NDUFS6: variants seen among roughly 807,000 people sequenced by gnomAD.
NDUFS6 encodes the protein NADH dehydrogenase [ubiquinone] iron-sulfur protein 6, mitochondrial.
Under a neutral mutation model 13.2 loss-of-function variants are expected in NDUFS6, and 14 were observed. The ratio of observed to expected loss-of-function variants is 1.06; its 90% CI spans 0.70 to 1.66. NDUFS6 has a LOEUF of 1.66. NDUFS6 is among the 40% of genes most tolerant of loss of function. The pLI is 0.00. For synonymous variants in NDUFS6, 95 were observed against 72.3 expected (o/e 1.31, Z -1.60); for missense variants, 206 against 170.8 (o/e 1.21, Z -1.15).
intron 2 of NDUFS6, among the ~76,000 whole-genome samples, chr5:1,805,528 C>T (rs548416439): frequency 2.6e-5 from 4 of 152,298 alleles, no homozygotes; most frequent in African/African-American, 9.6e-5. Flanking sequence ...TGTGAGGAGA[C>T]TCCTCACGTG....
At chr5:1,807,723 G>A (rs1454068995) in intron 2 of NDUFS6, among the ~76,000 whole-genome samples, 1 of 152,232 alleles carries the variant, frequency 6.6e-6, no homozygotes, top group Non-Finnish European at 1.5e-5. Context: ...GACATCTTTC[G>A]TCTACATTGA....
chr5:1,804,335 T>TG (rs1179306710), intron 2 of NDUFS6, among the ~76,000 whole-genome samples: 1 of 152,256 alleles, frequency 6.6e-6, no homozygotes, highest in African/African-American at 2.4e-5. Context: ...TTCTGGTTTC[T>TG]GGTTGGTGTA....
chr5:1,814,959 A>G lies in NDUFS6; in HGVS notation c.309+498A>G. 6.6e-6 allele frequency among the ~76,000 whole-genome samples: 1 copy of G among 151,868 alleles called. No homozygotes were observed. Among genetic ancestry groups the G allele is most frequent in the East Asian group, 1.9e-4 (1 of 5,172 alleles). ...GAGACTCCTCATCCCCTCTTCTTAT[A>G]AGGGCACCAGGCAGATTGGCTCAGG... On this transcript the variant is annotated intron_variant, in intron 3 of 3. Transcript: ENST00000274137. This position sits in a 1 kb window ranked among gnomAD's most constrained non-coding sequence, Gnocchi z 4.9.
At chr5:1,804,062 G>C (rs1289496938) in intron 2 of NDUFS6, among the ~76,000 whole-genome samples, 1 of 152,204 alleles carries the variant, frequency 6.6e-6, no homozygotes, top group African/African-American at 2.4e-5. Flanking sequence ...GGTGACGGAG[G>C]TTTCCTGGGC....
rs1455996791 is a variant in NDUFS6, at chr5:1,814,583, G to T, written c.309+122G>T. 1.4e-6 allele frequency: 2 copies of T among 1,438,164 alleles called. No homozygotes were observed. Among genetic ancestry groups the T allele is most frequent in the Non-Finnish European group, 1.9e-6 (2 of 1,047,060 alleles). 89.1% of individuals were successfully genotyped at this position (1,438,164 alleles called of 1,614,324 possible). The stretch of plus-strand genomic sequence containing the variant: ...CCTGCTCCCGAGGCGGCCCTTACGG[G>T]GTTCACACTGCTGGCACATTCACCC... On this transcript the variant is annotated intron_variant, in intron 3 of 3. Coordinates refer to ENST00000274137, the MANE Select transcript of NDUFS6 (RefSeq NM_004553.6). The surrounding 1 kb of genome is among the most constrained non-coding windows in gnomAD (Gnocchi z 4.9).
chr5:1,812,320 G>T (rs1292046224), intron 2 of NDUFS6, among the ~76,000 whole-genome samples: 1 of 151,924 alleles, frequency 6.6e-6, no homozygotes, highest in Non-Finnish European at 1.5e-5. Context: ...CAACACTGTT[G>T]CATTGACTAT....
At position 1,814,639 on chromosome 5, in the gene NDUFS6, G is replaced by T. The variant is rs552891552; in HGVS notation, c.309+178G>T. The T allele has an allele frequency of 6.2e-4, 613 of 980,884 alleles. 1 individual carries two copies. The highest frequency in any genetic ancestry group is 8.0e-4 in the Non-Finnish European group (514 of 638,978). The allele number at this position is 980,884 out of a possible 1,614,324, so 60.8% of individuals were successfully genotyped here. A position where few individuals can be genotyped will look rare whatever the true frequency, so the allele number is the denominator to read the frequency against. On this transcript the variant is annotated intron_variant, in intron 3 of 3. Transcript: ENST00000274137. The surrounding 1 kb of genome is among the most constrained non-coding windows in gnomAD (Gnocchi z 4.9). ...CGCCACACTACAGGGCCTACATAGAGCCGCCTGTCCGAAAACCCCCTTTCA... is the reference window on the plus strand; with the variant it reads ...CGCCACACTACAGGGCCTACATAGATCCGCCTGTCCGAAAACCCCCTTTCA...
At chr5:1,807,853 C>T (rs940860469) in intron 2 of NDUFS6, among the ~76,000 whole-genome samples, 4 of 152,166 alleles carry the variant, frequency 2.6e-5, no homozygotes, top group Admixed American at 2.6e-4. Flanking sequence ...GCTGAGGTAC[C>T]CAGGGGTCAG....
chr5:1,801,727 G>C (rs996975222), intron 1 of NDUFS6, among the ~76,000 whole-genome samples, 178 bp downstream of exon 1: 1 of 152,254 alleles, frequency 6.6e-6, no homozygotes, highest in Non-Finnish European at 1.5e-5. Flanking sequence ...GGTGGTGGCA[G>C]CCTGTAGCGG....
rs1172051074 is a variant in NDUFS6 at position 1,814,469 on chromosome 5, G to T, written c.309+8G>T. 3.1e-6 allele frequency: 5 copies of T among 1,614,084 alleles called. No individual in the cohort carries two copies. The African/African-American group carries it at 5.3e-5, about 17-fold the overall frequency. ...AAAGTGTATATAAACTTGGTGCGTA[G>T]CTGGCCACCTGTGCACATGTTAGGG... On this transcript the variant is annotated splice_region_variant and intron_variant, in intron 3 of 3. Coordinates refer to ENST00000274137, the MANE Select transcript of NDUFS6 (RefSeq NM_004553.6). The surrounding 1 kb of genome is among the most constrained non-coding windows in gnomAD (Gnocchi z 4.9).
chr5:1,802,172 A>G (rs1734056542), intron 1 of NDUFS6, 149 bp from the exon 2 acceptor site: 10 of 701,344 alleles, frequency 1.4e-5, no homozygotes, highest in Non-Finnish European at 2.4e-5. Context: ...AATGCCCCTG[A>G]TTACACCGAG....
chr5:1,803,351 T>C (rs1410755182), intron 2 of NDUFS6, among the ~76,000 whole-genome samples: 1 of 152,048 alleles, frequency 6.6e-6, no homozygotes, highest in Non-Finnish European at 1.5e-5. Flanking sequence ...GCCACTTGAG[T>C]GTTGGGTTGA....
Position 1,802,377 on chromosome 5 carries a change from G to A in NDUFS6, c.186+3G>A. 1 of 1,613,434 alleles carries A rather than the reference G, an allele frequency of 6.2e-7. No homozygotes were observed. Among genetic ancestry groups the A allele is most frequent in the Non-Finnish European group, 8.5e-7 (1 of 1,179,506 alleles). On this transcript the variant is annotated splice_donor_region_variant and intron_variant, in intron 2 of 3. Coordinates refer to ENST00000274137, the MANE Select transcript of NDUFS6 (RefSeq NM_004553.6). ...GGTTTGTAGGTCGTCAGAAAGAGGT[G>A]AGTAAAAAATCTAGTGAAGAGAGGT...
intron 2 of NDUFS6, among the ~76,000 whole-genome samples, chr5:1,809,577 G>A (rs891999265): frequency 4.6e-5 from 7 of 152,214 alleles, no homozygotes; most frequent in African/African-American, 1.4e-4. Context: ...ACTAAATGAC[G>A]GGAGGGCATC....
chr5:1,802,245 A>G, intron 1 of NDUFS6, 76 bp from the exon 2 acceptor site: 2 of 1,342,116 alleles, frequency 1.5e-6, no homozygotes, highest in South Asian at 1.2e-5. Flanking sequence ...CTTTCCTGTA[A>G]TATTTATGAT....
Position 1,815,874 on chromosome 5 carries a change from A to T in NDUFS6, c.333A>T (p.Thr111=). Residue 111 remains threonine, a synonymous_variant, in exon 4 of 4, where the codon ACA becomes ACT. Transcript: ENST00000274137. ...INLDKETKTG[T]CGYCGLQFRQ... ...AGGACAAAGAAACAAAAACCGGCAC[A>T]TGCGGTTACTGTGGGCTCCAGTTCA... 1.2e-6 allele frequency: 2 copies of T among 1,614,274 alleles called. No individual in the cohort carries two copies. The highest frequency in any genetic ancestry group is 2.2e-5 in the South Asian group (2 of 91,086).
At chr5:1,809,386 C>T (rs1484159169) in intron 2 of NDUFS6, among the ~76,000 whole-genome samples, 1 of 152,192 alleles carries the variant, frequency 6.6e-6, no homozygotes, top group East Asian at 1.9e-4. Flanking sequence ...CAGAGCGGGG[C>T]TTTGTGTTGT....
At chr5:1,806,361 T>G (rs909417908) in intron 2 of NDUFS6, among the ~76,000 whole-genome samples, 1 of 152,106 alleles carries the variant, frequency 6.6e-6, no homozygotes, top group African/African-American at 2.4e-5. Context: ...GCTGGGCGTT[T>G]GGGTCAGCGA....
In NDUFS6 at chr5:1,802,360, G is replaced by A. The variant is rs1734060703; in HGVS notation, c.172G>A (p.Gly58Ser). Residue 58 changes from glycine (G) to serine (S), a missense_variant, in exon 2 of 4, where the codon GGT becomes AGT. By Grantham distance (56) the Gly-to-Ser change is moderately conservative. Transcript: ENST00000274137. The part of the protein sequence containing the change: ...DKDYRRIRFV[G>S]RQKEVNENFA... ...AGACTACAGGAGAATTCGGTTTGTAGGTCGTCAGAAAGAGGTGAGTAAAAA... is the reference window on the plus strand; with the variant it reads ...AGACTACAGGAGAATTCGGTTTGTAAGTCGTCAGAAAGAGGTGAGTAAAAA... 2 of 1,613,860 alleles carry A rather than the reference G, an allele frequency of 1.2e-6. No individual in the cohort carries two copies. Among genetic ancestry groups the A allele is most frequent in the African/African-American group, 2.7e-5 (2 of 74,890 alleles).
Sources: allele counts gnomAD v4.1 joint callset (sites outside exome capture counted in the v4.1 genomes callset), GRCh38; gene constraint gnomAD v4.1.1; non-coding constraint Gnocchi (gnomAD v3.1); transcripts MANE v1.5; gene names NCBI Gene and HGNC (gene_info 2026-07-23, HGNC 2026-07-21).